The following CCDC149 variants were observed in gnomAD, a reference collection of about 807,000 sequenced individuals.
The protein encoded by CCDC149 is coiled-coil domain containing 149.
Under a neutral mutation model 59.9 loss-of-function variants are expected in CCDC149, and 45 were observed. That is an observed-to-expected ratio of 0.75 (90% CI 0.59 to 0.96). The LOEUF (loss-of-function observed/expected upper bound fraction) is 0.96. CCDC149 is among the 40% of genes least tolerant of loss of function. CCDC149 has a pLI of 0.00. For synonymous variants in CCDC149, 245 were observed against 260.6 expected, an observed-to-expected ratio of 0.94 and a Z score of 0.58; for missense variants, 584 against 664.7, an observed-to-expected ratio of 0.88 and a Z score of 1.33.
intron 4 of CCDC149, among the ~76,000 whole-genome samples, chr4:24,848,375 C>T (rs1717443363): frequency 6.6e-6 from 1 of 152,122 alleles, no homozygotes; most frequent in African/African-American, 2.4e-5. Flanking sequence ...TCGAGACCAT[C>T]CTGGCTAACA....
Position 24,821,041 on chromosome 4 carries a change from T to A in CCDC149, c.1075+14A>T. On this transcript the variant is annotated intron_variant, in intron 11 of 12. Coordinates refer to ENST00000635206, the MANE Select transcript of CCDC149 (RefSeq NM_001330643.2). ...ATATTAGCCACAAAAACGGATATTTTAAACAGAACATACTCCCAAATCCTA... is the reference window on the plus strand; with the variant it reads ...ATATTAGCCACAAAAACGGATATTTAAAACAGAACATACTCCCAAATCCTA... The A allele has an allele frequency of 8.1e-7, 1 of 1,229,454 alleles. No homozygotes were observed. The highest frequency in any genetic ancestry group is 3.2e-5 in the East Asian group (1 of 31,674). 76.2% of individuals were successfully genotyped at this position (1,229,454 alleles called of 1,614,324 possible). A position where few individuals can be genotyped will look rare whatever the true frequency, so the allele number is the denominator to read the frequency against.
chr4:24,852,654 T>C (rs1026481122), intron 4 of CCDC149, among the ~76,000 whole-genome samples: 1 of 152,174 alleles, frequency 6.6e-6, no homozygotes, highest in African/African-American at 2.4e-5. Context: ...AATAAATTGG[T>C]TATGAGAACA....
chr4:24,849,280 G>A lies in CCDC149; in HGVS notation c.372+3792C>T, dbSNP rs139877865. Among the ~76,000 whole-genome samples, 72 of 152,284 alleles carry A rather than the reference G, an allele frequency of 4.7e-4. 1 individual carries two copies. The East Asian group carries it at 0.011, about 23-fold the overall frequency. On this transcript the variant is annotated intron_variant, in intron 4 of 12. Transcript: ENST00000635206. The stretch of plus-strand genomic sequence containing the variant: ...GTGCAAAGCTTTTCGAGGGTAATGC[G>A]TGGCTTTGTGAGCCCTCCTTTTCCC...
chr4:24,822,557 C>G lies in CCDC149; in HGVS notation c.982G>C (p.Val328Leu). 6.5e-7 allele frequency: 1 copy of G among 1,534,530 alleles called. No homozygotes were observed. Among genetic ancestry groups the G allele is most frequent in the Non-Finnish European group, 8.8e-7 (1 of 1,139,354 alleles). Residue 328 changes from valine to leucine, a missense_variant, in exon 10 of 13, where the codon GTG becomes CTG. By Grantham distance (32) the Val-to-Leu change is conservative. Transcript: ENST00000635206. Reference sequence around the variant, plus strand: ...CTTAATTTTTTTTCCAGCTCAGCCACCCGATTCCCTAGGATTCTGAAAAAA... The same window carrying G: ...CTTAATTTTTTTTCCAGCTCAGCCAGCCGATTCCCTAGGATTCTGAAAAAA...
rs763611050 is a variant in CCDC149 at position 24,837,350 on chromosome 4, A to G, written c.540T>C (p.Asp180=). ...GGTAGGAAGACCGTTCTTCTTTAAC[A>G]TCCTGAAGCTCGTCCACAGAAGCCT... The change falls in exon 6 of 13, where the codon GAT becomes GAC. Residue 180 remains aspartate (D), a synonymous_variant. Coordinates refer to ENST00000635206, the MANE Select transcript of CCDC149 (RefSeq NM_001330643.2). The surrounding 1 kb of genome is among the most constrained non-coding windows in gnomAD (Gnocchi z 4.3). 6.2e-7 allele frequency: 1 copy of G among 1,614,150 alleles called. No individual in the cohort carries two copies. The highest frequency in any genetic ancestry group is 1.1e-5 in the South Asian group (1 of 91,084).
intron 1 of CCDC149, among the ~76,000 whole-genome samples, chr4:24,975,892 C>A (rs1329427538): frequency 6.6e-6 from 1 of 151,102 alleles, no homozygotes; most frequent in Non-Finnish European, 1.5e-5. Flanking sequence ...GGTTGGGGGT[C>A]CTGGGAAGGG....
At chr4:24,845,165 A>G (rs1717205450) in intron 4 of CCDC149, among the ~76,000 whole-genome samples, 2 of 152,128 alleles carry the variant, frequency 1.3e-5, no homozygotes, top group Admixed American at 1.3e-4. Context: ...AACTTTCTTT[A>G]TTTAATCCTC....
Position 24,846,353 on chromosome 4 carries a change from C to T in CCDC149, c.372+6719G>A, listed in dbSNP as rs6835377. 2.8e-3 allele frequency among the ~76,000 whole-genome samples: 429 copies of T among 152,262 alleles called. 1 individual carries two copies. The highest frequency in any genetic ancestry group is 9.7e-3 in the African/African-American group (404 of 41,546). On this transcript the variant is annotated intron_variant, in intron 4 of 12. Transcript: ENST00000635206. ...AATTAATTTCTATAGTGCCCCAAGGCGAGAGCTTTTCATTAGAGTGCCATC... is the reference window on the plus strand; with the variant it reads ...AATTAATTTCTATAGTGCCCCAAGGTGAGAGCTTTTCATTAGAGTGCCATC...
chr4:24,895,698 G>A lies in CCDC149; in HGVS notation c.63+17119C>T, dbSNP rs189389174. On this transcript the variant is annotated intron_variant, in intron 1 of 12. Transcript: ENST00000635206. ...CTTTACAATGGGCATGGGGTGGGGT[G>A]GTGAGTCTGAGGTGTTACTAGATTA... Among the ~76,000 whole-genome samples, 4 of 152,190 alleles carry A rather than the reference G, an allele frequency of 2.6e-5. No individual in the cohort carries two copies. In the East Asian group the frequency reaches 7.7e-4, roughly 29 times the overall value.
In CCDC149 at chr4:24,808,964, G is replaced by A. The variant is rs2109083101; in HGVS notation, c.1193-145C>T. 3 of 682,802 alleles carry A rather than the reference G, an allele frequency of 4.4e-6. No individual in the cohort carries two copies. The South Asian group carries it at 5.9e-5, about 13-fold the overall frequency. 42.3% of individuals were successfully genotyped at this position (682,802 alleles called of 1,614,324 possible). On this transcript the variant is annotated intron_variant, in intron 12 of 12. Coordinates refer to ENST00000635206, the MANE Select transcript of CCDC149 (RefSeq NM_001330643.2). ...TTTTTGGCTCCCTGTGCAGGGCAAT[G>A]GAGCCAAAGGGGAACACAGGACCCA...
intron 12 of CCDC149, among the ~76,000 whole-genome samples, chr4:24,810,603 G>A (rs1714537456): frequency 6.6e-6 from 1 of 152,144 alleles, no homozygotes; most frequent in Non-Finnish European, 1.5e-5. Flanking sequence ...TGATGTTTGT[G>A]AGATTTACCC....
chr4:24,905,580 C>T (rs1431672890), intron 1 of CCDC149, among the ~76,000 whole-genome samples: 2 of 126,536 alleles, frequency 1.6e-5, no homozygotes, highest in Non-Finnish European at 3.8e-5. Flanking sequence ...GGACTACAAG[C>T]GCGTGCCACC....
At chr4:24,870,217 AC>A (rs1718953578) in intron 3 of CCDC149, among the ~76,000 whole-genome samples, 1 of 152,222 alleles carries the variant, frequency 6.6e-6, no homozygotes, top group Admixed American at 6.5e-5. Context: ...TACTTAAAAA[AC>A]AATACAATTT....
chr4:24,945,246 AC>A (rs1723073732), intron 1 of CCDC149, among the ~76,000 whole-genome samples: 1 of 152,102 alleles, frequency 6.6e-6, no homozygotes, highest in Non-Finnish European at 1.5e-5. Flanking sequence ...TCCAAAAGTG[AC>A]CTTATTTGGA....
At chr4:24,816,293 T>C (rs1476983468) in intron 12 of CCDC149, among the ~76,000 whole-genome samples, 1 of 152,096 alleles carries the variant, frequency 6.6e-6, no homozygotes, top group Non-Finnish European at 1.5e-5. Context: ...GTCTCACTAT[T>C]GTTGCCCAGG....
chr4:24,914,370 G>A (rs1048018352), upstream of CCDC149, among the ~76,000 whole-genome samples: 1 of 121,732 alleles, frequency 8.2e-6, no homozygotes, highest in Non-Finnish European at 1.6e-5. Context: ...AGCAACGTTT[G>A]TACATGTGTT....
chr4:24,837,308 C>T lies in CCDC149; in HGVS notation c.582G>A (p.Arg194=), dbSNP rs533907448. Reference sequence around the variant, plus strand: ...GGATATGGTTCAGCTCCTGGTTGAGCCTCTCCACTTTGTCCTGGTAGGAAG... The same window carrying T: ...GGATATGGTTCAGCTCCTGGTTGAGTCTCTCCACTTTGTCCTGGTAGGAAG... Residue 194 remains arginine (R), a synonymous_variant, in exon 6 of 13, where the codon AGG becomes AGA. Transcript: ENST00000635206. The surrounding 1 kb of genome is among the most constrained non-coding windows in gnomAD (Gnocchi z 4.3). 5.0e-6 allele frequency: 8 copies of T among 1,614,174 alleles called. No individual in the cohort carries two copies. In the South Asian group the frequency reaches 8.8e-5, roughly 18 times the overall value.
At chr4:24,919,911 A>G (rs1722234983) in intron 1 of CCDC149, among the ~76,000 whole-genome samples, 1 of 152,240 alleles carries the variant, frequency 6.6e-6, no homozygotes, top group East Asian at 1.9e-4. Context: ...GCACATAGAA[A>G]TATTAAGAAT....
intron 4 of CCDC149, among the ~76,000 whole-genome samples, chr4:24,840,927 A>T (rs917282163): frequency 3.9e-5 from 6 of 152,182 alleles, no homozygotes; most frequent in African/African-American, 1.4e-4. Context: ...CTAACCCTGC[A>T]TTTCTTCTAG....
Sources: allele counts gnomAD v4.1 joint callset (sites outside exome capture counted in the v4.1 genomes callset), GRCh38; gene constraint gnomAD v4.1.1; non-coding constraint Gnocchi (gnomAD v3.1); transcripts MANE v1.5; gene names NCBI Gene and HGNC (gene_info 2026-07-23, HGNC 2026-07-21).